Variants in XKR9 observed in about 807,000 individuals in gnomAD.
XKR9 encodes XK related 9, also known as XK-related protein 9.
XKR9 carries 32 observed loss-of-function variants against 32.0 expected under a neutral mutation model. The ratio of observed to expected loss-of-function variants is 1.00; its 90% CI spans 0.76 to 1.34. XKR9 has a LOEUF of 1.34. Ranked by LOEUF, XKR9 falls within the 40% of genes most tolerant of loss-of-function variation. The pLI, the probability that XKR9 is intolerant of heterozygous loss-of-function variation, is 0.00. For missense variants in XKR9, 546 were observed against 429.7 expected (o/e 1.27, Z -2.39); for synonymous variants, 168 against 143.4 (o/e 1.17, Z -1.22).
the XKR9 span, among the ~76,000 whole-genome samples, chr8:70,879,587 A>G: frequency 6.6e-6 from 1 of 152,072 alleles, no homozygotes; most frequent in African/African-American, 2.4e-5. Flanking sequence ...GGACACATAC[A>G]CCCTCCCAAG....
At chr8:71,064,364 A>C in the XKR9 span, among the ~76,000 whole-genome samples, 1 of 152,172 alleles carries the variant, frequency 6.6e-6, no homozygotes, top group Non-Finnish European at 1.5e-5. Flanking sequence ...AGTTTTTTTA[A>C]CTTTAAGTAA....
At chr8:70,687,318 C>CTT (rs1563422707) in intron 3 of XKR9, among the ~76,000 whole-genome samples, 2 of 95,634 alleles carry the variant, frequency 2.1e-5, no homozygotes, top group Admixed American at 2.0e-4. Flanking sequence ...CTCCCTCTTT[C>CTT]TTTCTTTCTT....
the XKR9 span, among the ~76,000 whole-genome samples, chr8:70,915,647 A>T: frequency 6.6e-6 from 1 of 152,298 alleles, no homozygotes; most frequent in African/African-American, 2.4e-5. Flanking sequence ...TGTCTATAGG[A>T]TGAAGTAGAG....
the XKR9 span, among the ~76,000 whole-genome samples, chr8:71,016,293 A>G: frequency 6.6e-6 from 1 of 152,144 alleles, no homozygotes; most frequent in African/African-American, 2.4e-5. Flanking sequence ...TTTTCAATCA[A>G]TGCAAGCAAT....
chr8:70,854,007 T>G, the XKR9 span, among the ~76,000 whole-genome samples: 3 of 151,906 alleles, frequency 2.0e-5, no homozygotes, highest in African/African-American at 7.2e-5. Context: ...TGTATCTTTA[T>G]AGCAGCATGA....
At chr8:70,791,726 C>G (rs1036809020), downstream of XKR9, among the ~76,000 whole-genome samples, 2 of 152,006 alleles carry the variant, frequency 1.3e-5, no homozygotes, top group African/African-American at 2.4e-5. Context: ...GAACTGTGAG[C>G]AAATAAATTT....
chr8:70,991,822 T>G, the XKR9 span, among the ~76,000 whole-genome samples: 1 of 152,240 alleles, frequency 6.6e-6, no homozygotes. Flanking sequence ...TGATATGAAC[T>G]GTGAATTTCT....
chr8:70,878,410 C>A, the XKR9 span, among the ~76,000 whole-genome samples: 1 of 151,964 alleles, frequency 6.6e-6, no homozygotes, highest in African/African-American at 2.4e-5. Context: ...TCAGGAGACC[C>A]ACCTACGTGC....
chr8:70,824,260 A>G, the XKR9 span, among the ~76,000 whole-genome samples: 1 of 152,170 alleles, frequency 6.6e-6, no homozygotes, highest in Admixed American at 6.5e-5. Context: ...AGCCTGGTGC[A>G]TGGTAAGTAA....
chr8:70,856,186 T>C, the XKR9 span, among the ~76,000 whole-genome samples: 1 of 152,006 alleles, frequency 6.6e-6, no homozygotes, highest in African/African-American at 2.4e-5. Context: ...GACTGGCAAA[T>C]TGGATAAAGA....
chr8:71,056,875 A>C, the XKR9 span, among the ~76,000 whole-genome samples: 3 of 152,212 alleles, frequency 2.0e-5, no homozygotes. Flanking sequence ...GGGGAAATTG[A>C]GAGGATTTCC....
the XKR9 span, among the ~76,000 whole-genome samples, chr8:70,937,501 T>C: frequency 6.6e-6 from 1 of 152,038 alleles, no homozygotes; most frequent in East Asian, 1.9e-4. Flanking sequence ...CAGTCTAGGA[T>C]GTCATTTTGT....
At position 70,681,211 on chromosome 8, in the gene XKR9, A is replaced by G. The variant is rs1235846109; in HGVS notation, c.153A>G (p.Gly51=). The change falls in exon 3 of 5, where the codon GGA becomes GGG. Residue 51 remains glycine, a synonymous_variant. Transcript: ENST00000408926. ...SALALSFMLF[G]TLVAQCFSYS... ...TAGCGTTAAGCTTTATGCTTTTTGGAACACTTGTGGCTCAGTGTTTTAGTT... is the reference window on the plus strand; with the variant it reads ...TAGCGTTAAGCTTTATGCTTTTTGGGACACTTGTGGCTCAGTGTTTTAGTT... 2 of 1,613,470 alleles carry G rather than the reference A, an allele frequency of 1.2e-6. No individual in the cohort carries two copies. The highest frequency in any genetic ancestry group is 1.7e-5 in the Admixed American group (1 of 59,994).
chr8:70,846,889 T>C, the XKR9 span, among the ~76,000 whole-genome samples: 4 of 152,014 alleles, frequency 2.6e-5, no homozygotes, highest in African/African-American at 9.7e-5. Context: ...CAATAGTTAT[T>C]GGGGACTGCA....
At chr8:70,698,577 C>A (rs1230452108) in intron 3 of XKR9, among the ~76,000 whole-genome samples, 1 of 152,106 alleles carries the variant, frequency 6.6e-6, no homozygotes, top group African/African-American at 2.4e-5. Flanking sequence ...TGTTCTTTTA[C>A]ATTTGCTGAG....
At position 70,741,586 on chromosome 8, in the gene XKR9, C is replaced by T. The variant is rs147360112; in HGVS notation, n.352+34433C>T. 2.1e-3 allele frequency among the ~76,000 whole-genome samples: 325 copies of T among 152,244 alleles called. 4 individuals carry two copies. The highest frequency in any genetic ancestry group is 6.8e-3 in the Middle Eastern group (2 of 294). ...ACAAGATTTACTTCTTTTTTTAAGACTGAATAGTATTCCATTTTATATGTA... is the reference window on the plus strand; with the variant it reads ...ACAAGATTTACTTCTTTTTTTAAGATTGAATAGTATTCCATTTTATATGTA... On this transcript the variant is annotated intron_variant and non_coding_transcript_variant, in intron 2 of 3. Transcript: ENST00000520273.
At chr8:70,953,502 G>A in the XKR9 span, among the ~76,000 whole-genome samples, 34 of 151,996 alleles carry the variant, frequency 2.2e-4, no homozygotes, top group Non-Finnish European at 4.4e-5. Flanking sequence ...TGTAGAGATA[G>A]GGTCTCCCTA....
chr8:71,046,349 C>A, the XKR9 span, among the ~76,000 whole-genome samples: 1 of 152,100 alleles, frequency 6.6e-6, no homozygotes, highest in Non-Finnish European at 1.5e-5. Context: ...AGGGAGATTC[C>A]CCTTTGTGTG....
At chr8:70,975,919 G>T in the XKR9 span, among the ~76,000 whole-genome samples, 1 of 152,078 alleles carries the variant, frequency 6.6e-6, no homozygotes, top group Non-Finnish European at 1.5e-5. Context: ...TTATTTCGTT[G>T]AGCAGTGGTT....
Sources: allele counts gnomAD v4.1 joint callset (sites outside exome capture counted in the v4.1 genomes callset), GRCh38; gene constraint gnomAD v4.1.1; transcripts MANE v1.5; gene names NCBI Gene and HGNC (gene_info 2026-07-23, HGNC 2026-07-21).